The following EDIL3 variants were observed in gnomAD, a reference collection of about 807,000 sequenced individuals.
EDIL3 encodes EGF-like repeat and discoidin I-like domain-containing protein 3.
A neutral mutation model predicts 67.4 loss-of-function variants in EDIL3; 37 were observed. That is an observed-to-expected ratio of 0.55 (90% CI 0.42 to 0.72). The LOEUF (loss-of-function observed/expected upper bound fraction) is 0.72. Ranked by LOEUF, EDIL3 falls within the 30% of genes least tolerant of loss-of-function variation. EDIL3 has a pLI of 0.00. For missense variants in EDIL3, 527 were observed against 586.3 expected, an observed-to-expected ratio of 0.90 and a Z score of 1.04; for synonymous variants, 195 against 196.3, an observed-to-expected ratio of 0.99 and a Z score of 0.05.
intron 1 of EDIL3, among the ~76,000 whole-genome samples, chr5:84,301,452 G>A (rs1451571372): frequency 1.3e-5 from 2 of 152,128 alleles, no homozygotes; most frequent in Non-Finnish European, 2.9e-5. Context: ...GTTAAATCAA[G>A]TCCTATGTAA....
At chr5:84,374,860 C>T (rs150268529) in intron 1 of EDIL3, among the ~76,000 whole-genome samples, 7 of 152,246 alleles carry the variant, frequency 4.6e-5, no homozygotes, top group Admixed American at 1.3e-4. Context: ...GCTTCCCCTT[C>T]GGCTTCCACC....
intron 9 of EDIL3, among the ~76,000 whole-genome samples, chr5:83,980,047 T>A (rs1210072661): frequency 6.6e-6 from 1 of 152,084 alleles, no homozygotes; most frequent in African/African-American, 2.4e-5. Flanking sequence ...CTGTAACCAA[T>A]AACATCAATG....
intron 5 of EDIL3, among the ~76,000 whole-genome samples, chr5:84,123,377 A>T (rs1351072005): frequency 6.6e-6 from 1 of 152,010 alleles, no homozygotes; most frequent in East Asian, 1.9e-4. Context: ...TGTTTCATGT[A>T]TGTACACAAC....
At chr5:84,036,726 G>A (rs1226638035) in intron 9 of EDIL3, among the ~76,000 whole-genome samples, 1 of 152,108 alleles carries the variant, frequency 6.6e-6, no homozygotes, top group Non-Finnish European at 1.5e-5. Flanking sequence ...AGCTCTGTGA[G>A]AGAACTGTTC....
chr5:84,346,135 C>CTTTTTTTT (rs912729041), intron 1 of EDIL3, among the ~76,000 whole-genome samples: 3 of 122,896 alleles, frequency 2.4e-5, no homozygotes, highest in Non-Finnish European at 4.9e-5. Flanking sequence ...CTTTTTTTTT[C>CTTTTTTTT]TTTTTTTTTT....
intron 3 of EDIL3, among the ~76,000 whole-genome samples, chr5:84,205,105 AG>A (rs1743938204): frequency 6.7e-6 from 1 of 148,756 alleles, no homozygotes; most frequent in Admixed American, 6.7e-5. Flanking sequence ...TTGTAGAGAT[AG>A]GGTCTCACCT....
intron 1 of EDIL3, among the ~76,000 whole-genome samples, chr5:84,283,852 T>C (rs1449119166): frequency 6.6e-6 from 1 of 152,134 alleles, no homozygotes; most frequent in Non-Finnish European, 1.5e-5. Flanking sequence ...ATGTTCAAAA[T>C]TGAACATAAG....
intron 1 of EDIL3, among the ~76,000 whole-genome samples, chr5:84,320,225 C>G (rs981421137): frequency 3.3e-5 from 5 of 152,038 alleles, no homozygotes; most frequent in African/African-American, 1.2e-4. Flanking sequence ...TAGGTTGGAT[C>G]TCCTTTAAGT....
chr5:84,247,392 C>T (rs1744929096), intron 2 of EDIL3, among the ~76,000 whole-genome samples: 1 of 152,084 alleles, frequency 6.6e-6, no homozygotes, highest in African/African-American at 2.4e-5. Flanking sequence ...AACAAGAAGT[C>T]TTTCGGACAA....
chr5:84,167,322 A>T (rs1481099072), intron 4 of EDIL3, among the ~76,000 whole-genome samples: 1 of 151,998 alleles, frequency 6.6e-6, no homozygotes, highest in East Asian at 1.9e-4. Context: ...GTAGAACCAG[A>T]ACAATAGCGT....
intron 1 of EDIL3, among the ~76,000 whole-genome samples, chr5:84,289,585 C>T (rs1745875072): frequency 1.3e-5 from 2 of 152,126 alleles, no homozygotes; most frequent in Admixed American, 1.3e-4. Context: ...TAAAAAGGAA[C>T]ACCCAGAGCC....
intron 9 of EDIL3, among the ~76,000 whole-genome samples, chr5:84,037,985 C>CTT (rs1580292622): frequency 1.0e-5 from 1 of 99,618 alleles, no homozygotes; most frequent in Non-Finnish European, 1.8e-5. Flanking sequence ...TTCTTTCTTT[C>CTT]TTGTTTTTTT....
In EDIL3 at chr5:84,384,225, A is replaced by ACCGCCTCCGGCC. The variant is rs1561276095; in HGVS notation, c.67+71_67+82dup. The ACCGCCTCCGGCC allele has an allele frequency of 2.0e-6, 3 of 1,494,182 alleles. 1 individual carries two copies. Among genetic ancestry groups the ACCGCCTCCGGCC allele is most frequent in the Non-Finnish European group, 9.0e-7 (1 of 1,108,322 alleles). 92.6% of individuals were successfully genotyped at this position (1,494,182 alleles called of 1,614,324 possible). On this transcript the variant is annotated intron_variant, in intron 1 of 10. Transcript: ENST00000296591. Reference sequence around the variant, plus strand: ...TCGCCACCCTTGGCACGCCGGAGGGACCGCCTCCGGCCCCCTGCGCGGCGT... The same window carrying ACCGCCTCCGGCC: ...TCGCCACCCTTGGCACGCCGGAGGGACCGCCTCCGGCCCCGCCTCCGGCCCCCTGCGCGGCGT...
intron 3 of EDIL3, among the ~76,000 whole-genome samples, chr5:84,210,860 C>T (rs1744103781): frequency 6.6e-6 from 1 of 152,066 alleles, no homozygotes; most frequent in African/African-American, 2.4e-5. Context: ...GTAAATATTC[C>T]ACCATCCTTA....
chr5:84,210,207 T>C (rs972201937), intron 3 of EDIL3, among the ~76,000 whole-genome samples: 1 of 152,188 alleles, frequency 6.6e-6, no homozygotes, highest in Non-Finnish European at 1.5e-5. Context: ...AATATTTGTT[T>C]TTCATTCAAA....
At chr5:84,023,853 C>G (rs1024615974) in intron 9 of EDIL3, among the ~76,000 whole-genome samples, 3 of 152,046 alleles carry the variant, frequency 2.0e-5, no homozygotes, top group African/African-American at 7.2e-5. Context: ...AAAATTATTT[C>G]CATATTTAAA....
intron 9 of EDIL3, among the ~76,000 whole-genome samples, chr5:84,007,476 T>C (rs758775992): frequency 5.9e-5 from 9 of 152,156 alleles, no homozygotes; most frequent in Non-Finnish European, 1.2e-4. Flanking sequence ...CTGAATGACA[T>C]TTCTCAAAAG....
In EDIL3 at chr5:84,086,307, G is replaced by C. The variant is rs2112245; in HGVS notation, c.652-19701C>G. Among the ~76,000 whole-genome samples the C allele has an allele frequency of 2.0e-5, 3 of 152,178 alleles. No homozygotes were observed. In the South Asian group the frequency reaches 6.2e-4, roughly 32 times the overall value. ...GCTCTGGTGGTGTAGGCTCATGAGG[G>C]AATCTCCTGATCTGCGGATTGCAAA... On this transcript the variant is annotated intron_variant, in intron 6 of 10. Coordinates refer to ENST00000296591, the MANE Select transcript of EDIL3 (RefSeq NM_005711.5).
At chr5:84,075,891 CA>C (rs1746845490) in intron 6 of EDIL3, among the ~76,000 whole-genome samples, 4 of 2,034 alleles carry the variant, frequency 2.0e-3, no homozygotes, top group African/African-American at 4.4e-3. Flanking sequence ...AGTGTGCACG[CA>C]CACACACACA....
Sources: gnomAD v4.1 joint callset for allele counts (sites outside exome capture counted in the v4.1 genomes callset) on GRCh38, gnomAD v4.1.1 for gene constraint, MANE v1.5 for transcripts, NCBI Gene and HGNC (gene_info 2026-07-23, HGNC 2026-07-21) for gene names.